The following NFIX variants were observed in gnomAD, a reference collection of about 807,000 sequenced individuals.
The protein encoded by NFIX is nuclear factor I X.
NFIX carries 2 observed loss-of-function variants against 53.3 expected under a neutral mutation model. The ratio of observed to expected loss-of-function variants is 0.04; its 90% CI spans 0.02 to 0.12. The LOEUF (loss-of-function observed/expected upper bound fraction) is 0.12. NFIX is among the 10% of genes least tolerant of loss of function. The pLI is 1.00. For synonymous variants in NFIX, 244 were observed against 289.0 expected (o/e 0.84, Z 1.58); for missense variants, 310 against 674.5 (o/e 0.46, Z 5.99).
At chr19:13,032,755 C>T (rs1197717947) in intron 2 of NFIX, among the ~76,000 whole-genome samples, 1 of 152,094 alleles carries the variant, frequency 6.6e-6, no homozygotes, top group African/African-American at 2.4e-5. Flanking sequence ...GCTGCTGAGA[C>T]CTTGGTGAGT....
In NFIX at chr19:13,094,802, C is replaced by A; in HGVS notation, c.*153C>A. On this transcript the variant is annotated 3_prime_UTR_variant, in exon 11 of 11. Transcript: ENST00000592199. The surrounding 1 kb of genome is among the most constrained non-coding windows in gnomAD (Gnocchi z 4.3). Reference sequence around the variant, plus strand: ...TCAGCCACTCAGCCCTTCTCTCCTCCAGCCCGGGGACCCCCGCGGGCCCCA... The same window carrying A: ...TCAGCCACTCAGCCCTTCTCTCCTCAAGCCCGGGGACCCCCGCGGGCCCCA... The A allele has an allele frequency of 1.3e-6, 1 of 788,506 alleles. No homozygotes were observed. Among genetic ancestry groups the A allele is most frequent in the Middle Eastern group, 3.6e-4 (1 of 2,802 alleles). 48.8% of individuals were successfully genotyped at this position (788,506 alleles called of 1,614,324 possible). A position where few individuals can be genotyped will look rare whatever the true frequency, so the allele number is the denominator to read the frequency against.
chr19:13,059,535 G>C (rs574174561), intron 2 of NFIX, among the ~76,000 whole-genome samples: 14 of 152,314 alleles, frequency 9.2e-5, no homozygotes, highest in African/African-American at 3.4e-4. Context: ...GTTTTCTGCT[G>C]CCCATTCTTG....
chr19:13,057,489 C>G (rs947855910), intron 2 of NFIX, among the ~76,000 whole-genome samples: 1 of 152,174 alleles, frequency 6.6e-6, no homozygotes, highest in Admixed American at 6.5e-5. Context: ...GGCTTTCGCT[C>G]CCACCAAGCC....
chr19:13,023,166 G>GGA (rs143142047), intron 1 of NFIX, among the ~76,000 whole-genome samples: 9 of 148,704 alleles, frequency 6.1e-5, no homozygotes, highest in African/African-American at 2.0e-4. Flanking sequence ...GAGCCTGAAA[G>GGA]GAGAGAGAGA....
At position 13,020,668 on chromosome 19, in the gene NFIX, G is replaced by A. The variant is rs142639420; in HGVS notation, c.28-4353G>A. Among the ~76,000 whole-genome samples the A allele has an allele frequency of 1.1e-3, 168 of 152,292 alleles. 1 individual carries two copies. Among genetic ancestry groups the A allele is most frequent in the Middle Eastern group, 3.4e-3 (1 of 294 alleles). The stretch of plus-strand genomic sequence containing the variant: ...GCCTGTTGCTTCTTCTGTTAAGAGA[G>A]CCTTGAGGGGGTGCTTGGGGCTCTT... On this transcript the variant is annotated intron_variant, in intron 1 of 10. Transcript: ENST00000592199.
Position 13,021,448 on chromosome 19 carries a change from G to A in NFIX, c.28-3573G>A, listed in dbSNP as rs2012950147. Among the ~76,000 whole-genome samples the A allele has an allele frequency of 1.3e-5, 2 of 152,104 alleles. 1 individual carries two copies. The highest frequency in any genetic ancestry group is 2.9e-5 in the Non-Finnish European group (2 of 68,012). ...GATGTTTTATTTTGGCATGCCCCAG[G>A]TGCTCTTCCGGGAACCTTTCTGCCA... On this transcript the variant is annotated intron_variant, in intron 1 of 10. Transcript: ENST00000592199. This position sits in a 1 kb window ranked among gnomAD's most constrained non-coding sequence, Gnocchi z 4.2.
In NFIX at chr19:13,078,572, C is replaced by G. The variant is rs965101102; in HGVS notation, c.956-41C>G. On this transcript the variant is annotated intron_variant, in intron 6 of 10. Coordinates refer to ENST00000592199, the MANE Select transcript of NFIX (RefSeq NM_001365902.3). The surrounding 1 kb of genome is among the most constrained non-coding windows in gnomAD (Gnocchi z 4.7). ...CCCGCCTTCCCCGCACCCACCCCAG[C>G]CCAGCTAAACCTGCCCTGTGTTGCT... is the stretch of plus-strand genomic sequence containing the variant. The G allele has an allele frequency of 1.3e-6, 2 of 1,570,988 alleles. No individual in the cohort carries two copies. The highest frequency in any genetic ancestry group is 1.4e-5 in the African/African-American group (1 of 73,680).
At chr19:13,007,852 C>G (rs967058377) in intron 1 of NFIX, among the ~76,000 whole-genome samples, 5 of 152,220 alleles carry the variant, frequency 3.3e-5, no homozygotes, top group Admixed American at 3.3e-4. Context: ...CTGCAAGTAT[C>G]AAAGACACAC....
chr19:13,087,618 G>A (rs1568331015), intron 8 of NFIX, among the ~76,000 whole-genome samples: 1 of 152,024 alleles, frequency 6.6e-6, no homozygotes, highest in Non-Finnish European at 1.5e-5. Context: ...CATCTTTCCT[G>A]CTGTAGGAGA....
Position 13,081,878 on chromosome 19 carries a change from G to A in NFIX, c.1254+23G>A, listed in dbSNP as rs1392039652. ...CAGGTGAGTCCAGAGGGCCCCAGGA[G>A]CCCGGCTACAGCCTCATCTCCACAT... On this transcript the variant is annotated intron_variant, in intron 8 of 10. Transcript: ENST00000592199. This position sits in a 1 kb window ranked among gnomAD's most constrained non-coding sequence, Gnocchi z 4.7. 2 of 1,612,152 alleles carry A rather than the reference G, an allele frequency of 1.2e-6. No homozygotes were observed. The highest frequency in any genetic ancestry group is 1.7e-6 in the Non-Finnish European group (2 of 1,179,136).
At chr19:13,069,324 C>A (rs747325373) in intron 2 of NFIX, among the ~76,000 whole-genome samples, 61 of 152,158 alleles carry the variant, frequency 4.0e-4, no homozygotes, top group African/African-American at 1.3e-3. Flanking sequence ...GGACATGGCC[C>A]CAGAAGACTG....
chr19:13,053,297 A>C (rs1193836576), intron 2 of NFIX, among the ~76,000 whole-genome samples: 2 of 150,714 alleles, frequency 1.3e-5, no homozygotes, highest in Admixed American at 6.6e-5. Flanking sequence ...ACCCCAACCC[A>C]CTCCTTTTCC....
At position 13,012,910 on chromosome 19, in the gene NFIX, A is replaced by G. The variant is rs2012443303; in HGVS notation, c.28-12111A>G. Among the ~76,000 whole-genome samples, 1 of 151,342 alleles carries G rather than the reference A, an allele frequency of 6.6e-6. No homozygotes were observed. The highest frequency in any genetic ancestry group is 1.5e-5 in the Non-Finnish European group (1 of 67,790). ...CTTTTGGGGGAGTAAAGGCGGGGAA[A>G]TTTACCAGGGGAGATTTTTGTTTCC... On this transcript the variant is annotated intron_variant, in intron 1 of 10. Coordinates refer to ENST00000592199, the MANE Select transcript of NFIX (RefSeq NM_001365902.3). The surrounding 1 kb of genome is among the most constrained non-coding windows in gnomAD (Gnocchi z 5.0).
At position 13,093,038 on chromosome 19, in the gene NFIX, G is replaced by T. The variant is rs889892743; in HGVS notation, c.1495-1597G>T. On this transcript the variant is annotated intron_variant, in intron 10 of 10. Coordinates refer to ENST00000592199, the MANE Select transcript of NFIX (RefSeq NM_001365902.3). This position sits in a 1 kb window ranked among gnomAD's most constrained non-coding sequence, Gnocchi z 4.7. ...CTGCTCATTGTGGCAATCCCAAACC[G>T]CCACATTTCCAGATGCTCTTGATCT... Among the ~76,000 whole-genome samples, 1 of 152,206 alleles carries T rather than the reference G, an allele frequency of 6.6e-6. No homozygotes were observed. Among genetic ancestry groups the T allele is most frequent in the Admixed American group, 6.5e-5 (1 of 15,282 alleles).
At position 13,002,491 on chromosome 19, in the gene NFIX, T is replaced by G. The variant is rs1323328622; in HGVS notation, c.27+6627T>G. Among the ~76,000 whole-genome samples, 19 of 142,806 alleles carry G rather than the reference T, an allele frequency of 1.3e-4. No homozygotes were observed. Among genetic ancestry groups the G allele is most frequent in the South Asian group, 2.3e-4 (1 of 4,396 alleles). The allele number at this position is 142,806 out of a possible 152,430, so 93.7% of individuals were successfully genotyped here. On this transcript the variant is annotated intron_variant, in intron 1 of 10. Coordinates refer to ENST00000592199, the MANE Select transcript of NFIX (RefSeq NM_001365902.3). This position sits in a 1 kb window ranked among gnomAD's most constrained non-coding sequence, Gnocchi z 6.1. The stretch of plus-strand genomic sequence containing the variant: ...GCCAGGGGGGCACAGGCCTGGCGGG[T>G]GAGGGAACAGGGTGGACAGGGCCTG...
chr19:13,050,551 A>G (rs943171935), intron 2 of NFIX, among the ~76,000 whole-genome samples: 2 of 152,266 alleles, frequency 1.3e-5, no homozygotes. Flanking sequence ...CAACAAACAC[A>G]TGTGGAATTA....
chr19:13,024,602 G>A (rs915859125), intron 1 of NFIX: 44 of 1,536,098 alleles, frequency 2.9e-5, no homozygotes, highest in Non-Finnish European at 3.8e-5. Flanking sequence ...GTGCCGGGGC[G>A]AGCTGACAGG....
intron 8 of NFIX, among the ~76,000 whole-genome samples, chr19:13,085,287 A>G (rs969677831): frequency 1.3e-5 from 2 of 152,114 alleles, no homozygotes; most frequent in African/African-American, 4.8e-5. Context: ...GTCTGGCCAT[A>G]TCAGGCGGGG....
rs1247000686 is a variant in NFIX at position 13,050,350 on chromosome 19, AC to A, written c.560-22692del. The stretch of plus-strand genomic sequence containing the variant: ...TTTGTCTGACGGCCTCTATCTTTTT[AC>A]CCCCGGCCTGGCTGTCACCTCCTTG... On this transcript the variant is annotated intron_variant, in intron 2 of 10. Coordinates refer to ENST00000592199, the MANE Select transcript of NFIX (RefSeq NM_001365902.3). Among the ~76,000 whole-genome samples, 3 of 151,644 alleles carry A rather than the reference AC, an allele frequency of 2.0e-5. No homozygotes were observed. The East Asian group carries it at 5.8e-4, about 29-fold the overall frequency.
Sources: allele counts gnomAD v4.1 joint callset (sites outside exome capture counted in the v4.1 genomes callset), GRCh38; gene constraint gnomAD v4.1.1; non-coding constraint Gnocchi (gnomAD v3.1); transcripts MANE v1.5; gene names NCBI Gene and HGNC (gene_info 2026-07-23, HGNC 2026-07-21).